CDH13: variants seen among roughly 807,000 people sequenced by gnomAD.
CDH13 encodes cadherin-13.
CDH13 carries 24 observed loss-of-function variants against 63.8 expected under a neutral mutation model. That is an observed-to-expected ratio of 0.38 (90% CI 0.27 to 0.53). The LOEUF (loss-of-function observed/expected upper bound fraction) is 0.53, where lower values mean the gene tolerates loss of function less well. Among genes scored for constraint, CDH13 ranks in the 20% least tolerant of loss-of-function variants. The pLI, the probability that CDH13 is intolerant of heterozygous loss-of-function variation, is 0.85. For synonymous variants in CDH13, 503 were observed against 355.3 expected (o/e 1.42, Z -4.67); for missense variants, 1,049 against 903.1 (o/e 1.16, Z -2.07).
intron 6 of CDH13, among the ~76,000 whole-genome samples, chr16:83,387,754 TA>T (rs1485285060): frequency 6.6e-6 from 1 of 152,220 alleles, no homozygotes; most frequent in Non-Finnish European, 1.5e-5. Context: ...AAGAGGCTCT[TA>T]ATATGTGACC....
At chr16:83,301,025 GTTTTTTTTTT>G (rs3052591) in intron 5 of CDH13, among the ~76,000 whole-genome samples, 5 of 78,756 alleles carry the variant, frequency 6.3e-5, no homozygotes, top group African/African-American at 1.6e-4. Flanking sequence ...ACTTTCTGGG[GTTTTTTTTTT>G]TTTTTTTTTT....
intron 10 of CDH13, among the ~76,000 whole-genome samples, chr16:83,727,789 C>T (rs1196797467): frequency 6.6e-6 from 1 of 152,066 alleles, no homozygotes; most frequent in Non-Finnish European, 1.5e-5. Flanking sequence ...GATCCCTTGA[C>T]GGAACTGGCT....
At chr16:83,603,828 G>T (rs1034670776) in intron 8 of CDH13, among the ~76,000 whole-genome samples, 3 of 152,168 alleles carry the variant, frequency 2.0e-5, no homozygotes, top group Non-Finnish European at 2.9e-5. Context: ...GATTCTGCAA[G>T]CTGTACAGGG....
chr16:83,251,432 GCA>G (rs901368200), intron 5 of CDH13, among the ~76,000 whole-genome samples: 2 of 152,126 alleles, frequency 1.3e-5, no homozygotes, highest in African/African-American at 4.8e-5. Flanking sequence ...TAAGGGATTT[GCA>G]CAGTTACCCA....
At chr16:82,851,567 C>A (rs1412191691) in intron 1 of CDH13, among the ~76,000 whole-genome samples, 1 of 152,104 alleles carries the variant, frequency 6.6e-6, no homozygotes, top group Non-Finnish European at 1.5e-5. Context: ...CCTTAATGAC[C>A]AGAAACGTGT....
chr16:83,593,343 C>G (rs144857981), intron 7 of CDH13, among the ~76,000 whole-genome samples: 80 of 152,284 alleles, frequency 5.3e-4, no homozygotes, highest in African/African-American at 1.9e-3. Flanking sequence ...TTCCTTGACT[C>G]CTAGAGCAGC....
chr16:83,352,987 C>A (rs1355764553), intron 6 of CDH13, among the ~76,000 whole-genome samples: 1 of 152,244 alleles, frequency 6.6e-6, no homozygotes, highest in East Asian at 1.9e-4. Context: ...TCAAATACTG[C>A]ATGCTCTCAC....
chr16:82,865,006 A>G (rs1342630016), intron 2 of CDH13, among the ~76,000 whole-genome samples: 1 of 152,238 alleles, frequency 6.6e-6, no homozygotes, highest in Non-Finnish European at 1.5e-5. Context: ...AAAATCCAGC[A>G]GGGCAGATAA....
At chr16:83,624,930 C>T (rs1292825654) in intron 8 of CDH13, among the ~76,000 whole-genome samples, 1 of 152,214 alleles carries the variant, frequency 6.6e-6, no homozygotes, top group Non-Finnish European at 1.5e-5. Flanking sequence ...TGTGTTGCAG[C>T]CAGTCTGCAC....
intron 2 of CDH13, among the ~76,000 whole-genome samples, chr16:83,019,713 C>G (rs1915161664): frequency 6.6e-6 from 1 of 151,138 alleles, no homozygotes; most frequent in South Asian, 2.1e-4. Flanking sequence ...CCAGTATGGT[C>G]TCAAACTCCT....
intron 4 of CDH13, among the ~76,000 whole-genome samples, chr16:83,216,583 A>G (rs1354213208): frequency 2.1e-5 from 3 of 143,590 alleles, no homozygotes; most frequent in Admixed American, 1.4e-4. Flanking sequence ...TTTAATATAT[A>G]TATTAATATA....
intron 6 of CDH13, among the ~76,000 whole-genome samples, chr16:83,484,493 A>G (rs1021041908): frequency 1.3e-5 from 2 of 152,242 alleles, no homozygotes; most frequent in Non-Finnish European, 2.9e-5. Flanking sequence ...TACAATTGCT[A>G]TTGTCAATCA....
At chr16:83,042,943 A>G (rs1424083038) in intron 3 of CDH13, among the ~76,000 whole-genome samples, 1 of 152,256 alleles carries the variant, frequency 6.6e-6, no homozygotes, top group Non-Finnish European at 1.5e-5. Context: ...ATAACTTCAA[A>G]AAACCTGTGA....
intron 2 of CDH13, among the ~76,000 whole-genome samples, chr16:82,883,231 G>A (rs1187181536): frequency 1.3e-5 from 2 of 152,188 alleles, no homozygotes; most frequent in African/African-American, 4.8e-5. Context: ...AATGAAAGCA[G>A]GCAGTGTCAT....
At chr16:82,831,140 G>C (rs572695937) in intron 1 of CDH13, among the ~76,000 whole-genome samples, 1 of 152,096 alleles carries the variant, frequency 6.6e-6, no homozygotes, top group Non-Finnish European at 1.5e-5. Context: ...CACCAGACCT[G>C]TTGAATAGGA....
At chr16:83,422,308 C>G (rs60304203) in intron 6 of CDH13, among the ~76,000 whole-genome samples, 10,439 of 152,180 alleles carry the variant, frequency 0.069, 456 homozygotes, top group African/African-American at 0.13. Flanking sequence ...CAGTCATTCT[C>G]TTTAATAGGG....
At chr16:83,621,317 A>G (rs1360695129) in intron 8 of CDH13, among the ~76,000 whole-genome samples, 1 of 152,088 alleles carries the variant, frequency 6.6e-6, no homozygotes, top group Non-Finnish European at 1.5e-5. Flanking sequence ...ATTCCTTGCC[A>G]GGGCTATTCC....
intron 5 of CDH13, among the ~76,000 whole-genome samples, chr16:83,224,882 C>T (rs1015189739): frequency 9.9e-5 from 15 of 152,166 alleles, no homozygotes; most frequent in Admixed American, 2.6e-4. Flanking sequence ...TGCCACATAT[C>T]GGTTTTATAG....
chr16:83,583,024 G>A (rs1018073570), intron 7 of CDH13, among the ~76,000 whole-genome samples: 1 of 152,140 alleles, frequency 6.6e-6, no homozygotes, highest in African/African-American at 2.4e-5. Flanking sequence ...CAAAATCAAA[G>A]TGTTGGTAGG....
Sources: allele counts gnomAD v4.1 joint callset (sites outside exome capture counted in the v4.1 genomes callset), GRCh38; gene constraint gnomAD v4.1.1; transcripts MANE v1.5; gene names NCBI Gene and HGNC (gene_info 2026-07-23, HGNC 2026-07-21).